The following JAG2 variants were observed in gnomAD, a reference collection of about 807,000 sequenced individuals.
The protein encoded by JAG2 is jagged canonical Notch ligand 2, also known as protein jagged-2.
A neutral mutation model predicts 141.7 loss-of-function variants in JAG2; 46 were observed. The ratio of observed to expected loss-of-function variants is 0.32; its 90% CI spans 0.26 to 0.42. The LOEUF (loss-of-function observed/expected upper bound fraction) is 0.42. JAG2 is among the 10% of genes least tolerant of loss of function. The pLI is 1.00. For synonymous variants in JAG2, 862 were observed against 763.5 expected, an observed-to-expected ratio of 1.13 and a Z score of -2.13; for missense variants, 1,500 against 1,817.5, an observed-to-expected ratio of 0.83 and a Z score of 3.18.
rs1888617412 is a variant in JAG2, at chr14:105,157,561, C to T, written c.475+145G>A. 2.7e-5 allele frequency: 22 copies of T among 815,928 alleles called. No individual in the cohort carries two copies. In the South Asian group the frequency reaches 3.0e-4, roughly 11 times the overall value. The allele number at this position is 815,928 out of a possible 1,614,324, so 50.5% of individuals were successfully genotyped here. A position where few individuals can be genotyped will look rare whatever the true frequency, so the allele number is the denominator to read the frequency against. ...GCAAGTCCCAAACGTGGCAGAGCTTCCTGGCAGCCAAAGCAAAAAGGGAAA... is the reference window on the plus strand; with the variant it reads ...GCAAGTCCCAAACGTGGCAGAGCTTTCTGGCAGCCAAAGCAAAAAGGGAAA... On this transcript the variant is annotated intron_variant, in intron 3 of 25. Coordinates refer to ENST00000331782, the MANE Select transcript of JAG2 (RefSeq NM_002226.5).
At chr14:105,148,719 G>A (rs1259101176) in intron 15 of JAG2, 26 bp downstream of exon 15, 20 of 1,521,246 alleles carry the variant, frequency 1.3e-5, no homozygotes, top group East Asian at 2.4e-5. Flanking sequence ...GGCACAGGCC[G>A]TGTGGGCGGG....
chr14:105,147,414 G>A lies in JAG2; in HGVS notation c.2394-3C>T, dbSNP rs1888257935. 1 of 1,610,348 alleles carries A rather than the reference G, an allele frequency of 6.2e-7. No individual in the cohort carries two copies. On this transcript the variant is annotated splice_polypyrimidine_tract_variant and splice_region_variant and intron_variant, in intron 19 of 25. Transcript: ENST00000331782. ...CAACACAGATGCCACCATTGTAGCT[G>A]CAGAGCAGAGGGTGGGCATCAGGTG...
At chr14:105,147,704 G>A (rs1416391177) in intron 18 of JAG2, 68 bp downstream of exon 18, 53 of 1,211,954 alleles carry the variant, frequency 4.4e-5, no homozygotes, top group Non-Finnish European at 5.6e-5. Context: ...ACTGGGGGGC[G>A]AGTCGGGGGC....
At position 105,168,022 on chromosome 14, in the gene JAG2, T is replaced by C. The variant is rs1888975429; in HGVS notation, c.152A>G (p.Asp51Gly). 3 of 1,597,408 alleles carry C rather than the reference T, an allele frequency of 1.9e-6. No individual in the cohort carries two copies. Among genetic ancestry groups the C allele is most frequent in the Non-Finnish European group, 2.5e-6 (3 of 1,176,898 alleles). The change falls in exon 2 of 26, where the codon GAC (aspartate) becomes GGC (glycine). Residue 51 changes from aspartate (D) to glycine (G), a missense_variant. By Grantham distance (94) the Asp-to-Gly change is moderately conservative (BLOSUM62 -1). This residue lies in a region of JAG2 where 200 missense variants were observed against 174.3 expected (regional missense o/e 1.15). Coordinates refer to ENST00000331782, the MANE Select transcript of JAG2 (RefSeq NM_002226.5). The stretch of plus-strand genomic sequence containing the variant: ...CGCGCGCGTTGTCCGGCCGTCGCCG[T>C]CACAGCAGGCGCCGCTCAGCAGCTC... Reference protein sequence around the residue: ...NGELLSGACCDGDGRTTRAGG... With the variant: ...NGELLSGACCGGDGRTTRAGG...
chr14:105,147,741 C>T (rs749284593), intron 18 of JAG2, 31 bp downstream of exon 18: 9 of 1,437,354 alleles, frequency 6.3e-6, no homozygotes, highest in African/African-American at 2.8e-5. Context: ...TGGAGGAAAG[C>T]GGCCCCCGCC....
At position 105,166,992 on chromosome 14, in the gene JAG2, C is replaced by T. The variant is rs1470278912; in HGVS notation, c.417+765G>A. 2.0e-5 allele frequency among the ~76,000 whole-genome samples: 3 copies of T among 152,172 alleles called. No individual in the cohort carries two copies. The East Asian group carries it at 5.8e-4, about 29-fold the overall frequency. On this transcript the variant is annotated intron_variant, in intron 2 of 25. Transcript: ENST00000331782. ...CACCTACCACTACCCACCTGCCAGC[C>T]CACTGGGATGAGTACCTGTTTCCCA...
Position 105,143,494 on chromosome 14 carries a change from C to A in JAG2, c.3229G>T (p.Gly1077Cys). ...CTCCCGCGCTTACCTGTGGAAGAGC[C>A]GCCCGTAACAACCGTCTCCACCTTG... ...EVKVETVVTGGSSTGLLVPVL... is the reference protein window; with the variant it reads ...EVKVETVVTGCSSTGLLVPVL... Residue 1077 changes from glycine (G) to cysteine (C), a missense_variant, in exon 25 of 26, where the codon GGC (glycine) becomes TGC (cysteine). Physicochemically the swap from Gly to Cys is radical, Grantham distance 159. This residue lies in a region of JAG2 where 425 missense variants were observed against 441.0 expected (regional missense o/e 0.96). Transcript: ENST00000331782. The A allele has an allele frequency of 6.4e-7, 1 of 1,557,816 alleles. No homozygotes were observed. The highest frequency in any genetic ancestry group is 8.7e-7 in the Non-Finnish European group (1 of 1,152,916).
At chr14:105,159,412 C>A (rs1888666543) in intron 2 of JAG2, among the ~76,000 whole-genome samples, 1 of 151,934 alleles carries the variant, frequency 6.6e-6, no homozygotes, top group Admixed American at 6.6e-5. Flanking sequence ...AACCCGTTTT[C>A]CCACATCCGC....
chr14:105,159,340 A>T (rs1325661066), intron 2 of JAG2, among the ~76,000 whole-genome samples: 1 of 150,970 alleles, frequency 6.6e-6, no homozygotes, highest in Non-Finnish European at 1.5e-5. Flanking sequence ...CGCTCCTAGA[A>T]CCCTCCCTAG....
rs112817342 is a variant in JAG2 at position 105,151,271 on chromosome 14, C to T, written c.1267+12G>A. The T allele has an allele frequency of 6.6e-5, 107 of 1,609,272 alleles. 1 individual carries two copies. In the East Asian group the frequency reaches 8.5e-4, roughly 13 times the overall value. ...CGGCCCACGTTCCCATGCACTCGCT[C>T]GGAGCCCTTACCCAGCTGGCAGGTG... On this transcript the variant is annotated intron_variant, in intron 9 of 25. Coordinates refer to ENST00000331782, the MANE Select transcript of JAG2 (RefSeq NM_002226.5).
rs1194473706 is a variant in JAG2, at chr14:105,151,996, C to T, written c.981G>A (p.Glu327=). 3.7e-6 allele frequency: 6 copies of T among 1,613,302 alleles called. No individual in the cohort carries two copies. The African/African-American group carries it at 8.0e-5, about 22-fold the overall frequency. Residue 327 remains glutamate (E), a synonymous_variant, in exon 7 of 26, where the codon GAG becomes GAA. Coordinates refer to ENST00000331782, the MANE Select transcript of JAG2 (RefSeq NM_002226.5). ...CTNGGTCINA[E]PDQYRCTCPD... is the part of the protein sequence containing the mutation. ...GGCAGGTGCAGCGGTACTGGTCAGG[C>T]TCGGCGTTGATGCACGTGCCTCCGT...
chr14:105,156,110 C>T, intron 3 of JAG2, 121 bp from the exon 4 acceptor site: 2 of 1,314,676 alleles, frequency 1.5e-6, no homozygotes, highest in East Asian at 4.9e-5. Context: ...CAGCAGGCAG[C>T]AGCACACGGA....
chr14:105,166,165 G>A (rs2140997658), intron 2 of JAG2, among the ~76,000 whole-genome samples: 1 of 152,352 alleles, frequency 6.6e-6, no homozygotes, highest in South Asian at 2.1e-4. Context: ...CCAGTGCCCG[G>A]ACTCCAAGGA....
At chr14:105,157,806 T>C in intron 2 of JAG2, 43 bp from the exon 3 acceptor site, 2 of 1,522,226 alleles carry the variant, frequency 1.3e-6, no homozygotes, top group Admixed American at 1.9e-5. Flanking sequence ...AGGCCACACC[T>C]GCCTGCCTCG....
intron 24 of JAG2, among the ~76,000 whole-genome samples, chr14:105,144,547 A>G (rs1420486225): frequency 6.6e-6 from 1 of 152,012 alleles, no homozygotes; most frequent in East Asian, 1.9e-4. Flanking sequence ...CTTGGTATCC[A>G]TTCACATCTG....
At chr14:105,163,675 C>T (rs895891843) in intron 2 of JAG2, among the ~76,000 whole-genome samples, 5 of 151,406 alleles carry the variant, frequency 3.3e-5, no homozygotes, top group African/African-American at 1.2e-4. Context: ...ACAGTGACCT[C>T]ACTCAGATCT....
chr14:105,152,549 C>G (rs10138846), intron 5 of JAG2, among the ~76,000 whole-genome samples: 14,188 of 152,266 alleles, frequency 0.093, 825 homozygotes, highest in South Asian at 0.2. Context: ...GGGATTCACC[C>G]GTGAGCTGGG....
At chr14:105,161,716 A>C (rs188822240) in intron 2 of JAG2, among the ~76,000 whole-genome samples, 1 of 152,132 alleles carries the variant, frequency 6.6e-6, no homozygotes, top group East Asian at 1.9e-4. Context: ...TCCAGGACTT[A>C]TTTGCCTCTT....
rs139834065 is a variant in JAG2, at chr14:105,149,278, C to A, written c.1645G>T (p.Ala549Ser). ...TCACCCTCCAGGTTATAGCAGCGAG[C>A]GCCGTTCCGGCAGGGGCTTGGCTCA... ...LCEPSPCRNG[A>S]RCYNLEGDYY... Residue 549 changes from alanine to serine, a missense_variant, in exon 13 of 26, where the codon GCT becomes TCT. By Grantham distance (99) the Ala-to-Ser change is moderately conservative. Transcript: ENST00000331782. 1 of 1,612,712 alleles carries A rather than the reference C, an allele frequency of 6.2e-7. No individual in the cohort carries two copies. The highest frequency in any genetic ancestry group is 8.5e-7 in the Non-Finnish European group (1 of 1,179,974).
Sources: allele counts gnomAD v4.1 joint callset (sites outside exome capture counted in the v4.1 genomes callset), GRCh38; gene constraint gnomAD v4.1.1; regional missense constraint gnomAD v4.1.1; transcripts MANE v1.5; gene names NCBI Gene and HGNC (gene_info 2026-07-23, HGNC 2026-07-21).